MUC3A: variants seen among roughly 807,000 people sequenced by gnomAD.
MUC3A encodes mucin 3A, cell surface associated, also known as mucin-3A.
MUC3A carries 109 observed loss-of-function variants against 109.0 expected under a neutral mutation model. The observed-to-expected ratio is 1.00, with a 90% CI of 0.86 to 1.17. MUC3A has a LOEUF of 1.17. MUC3A is among the 50% of genes most tolerant of loss of function. MUC3A has a pLI of 0.00. For synonymous variants in MUC3A, 1,398 were observed against 981.4 expected, an observed-to-expected ratio of 1.42 and a Z score of -7.93; for missense variants, 3,537 against 2,469.4, an observed-to-expected ratio of 1.43 and a Z score of -9.16.
chr7:100,960,352 A>G lies in MUC3A; in HGVS notation c.8573A>G (p.Asn2858Ser). The change falls in exon 2 of 12, where the codon AAC becomes AGC. Residue 2858 changes from asparagine (N) to serine (S), a missense_variant. By Grantham distance (46) the Asn-to-Ser change is conservative (BLOSUM62 1). Transcript: ENST00000379458. ...SSTGTGTVPT[N>S]TVFTSTRLPT... ...ACTGGCACTGGGACTGTACCCACAA[A>G]CACAGTTTTCACAAGTACTCGACTG... 5 of 1,598,550 alleles carry G rather than the reference A, an allele frequency of 3.1e-6. No homozygotes were observed. The highest frequency in any genetic ancestry group is 4.2e-6 in the Non-Finnish European group (5 of 1,179,828).
In MUC3A at chr7:100,967,606, A is replaced by C; in HGVS notation, c.*444A>C. 4 of 315,652 alleles carry C rather than the reference A, an allele frequency of 1.3e-5. No individual in the cohort carries two copies. Among genetic ancestry groups the C allele is most frequent in the East Asian group, 6.5e-5 (1 of 15,436 alleles). 19.6% of individuals were successfully genotyped at this position (315,652 alleles called of 1,614,324 possible). A position where few individuals can be genotyped will look rare whatever the true frequency, so the allele number is the denominator to read the frequency against. ...TGGCCCTGGTTCTTATTTTCTCTCA[A>C]TTCCCTACTGCCTGTTTCTTACTTT... is the stretch of plus-strand genomic sequence containing the variant. On this transcript the variant is annotated 3_prime_UTR_variant, in exon 12 of 12. Coordinates refer to ENST00000379458, the MANE Select transcript of MUC3A (RefSeq NM_005960.2).
At chr7:100,964,987 G>T in intron 6 of MUC3A, 144 bp downstream of exon 6, 1 of 4,476 alleles carries the variant, frequency 2.2e-4, no homozygotes, top group Non-Finnish European at 2.6e-4. Context: ...CACACACAAC[G>T]GTGTCAAGGG....
rs71226713 is a variant in MUC3A, at chr7:100,952,020, T to TC, written c.247dup (p.His83ProfsTer2). On this transcript the variant is annotated frameshift_variant, in exon 2 of 12. Transcript: ENST00000379458. LOFTEE classifies it high-confidence loss of function. Reference sequence around the variant, plus strand: ...AAATGCACCTATGACACTCACTACCTCCCCCCATGACACACTCATCTCTGA... The same window carrying TC: ...AAATGCACCTATGACACTCACTACCTCCCCCCCATGACACACTCATCTCTGA... 5.0e-6 allele frequency: 8 copies of TC among 1,598,594 alleles called. No individual in the cohort carries two copies. Among genetic ancestry groups the TC allele is most frequent in the Non-Finnish European group, 6.8e-6 (8 of 1,179,776 alleles).
Position 100,957,967 on chromosome 7 carries a change from T to A in MUC3A, c.6188T>A (p.Ile2063Asn). 1 of 780,502 alleles carries A rather than the reference T, an allele frequency of 1.3e-6. No individual in the cohort carries two copies. The highest frequency in any genetic ancestry group is 2.3e-6 in the Non-Finnish European group (1 of 433,214). The allele number at this position is 780,502 out of a possible 1,614,324, so 48.3% of individuals were successfully genotyped here. Residue 2063 changes from isoleucine (I) to asparagine (N), a missense_variant, in exon 2 of 12, where the codon ATC becomes AAC. By Grantham distance (149) the Ile-to-Asn change is moderately radical. Coordinates refer to ENST00000379458, the MANE Select transcript of MUC3A (RefSeq NM_005960.2). ...AGTACTCCCAGCTTCACTTCATTGA[T>A]CACCATCACCGAGATCACCTCACAC... ...SHSTPSFTSL[I>N]TITEITSHST...
In MUC3A at chr7:100,957,959, T is replaced by G; in HGVS notation, c.6180T>G (p.Thr2060=). Residue 2060 remains threonine (T), a synonymous_variant, in exon 2 of 12, where the codon ACT becomes ACG. Transcript: ENST00000379458. ...CATCCCACAGTACTCCCAGCTTCACTTCATTGATCACCATCACCGAGATCA... is the reference window on the plus strand; with the variant it reads ...CATCCCACAGTACTCCCAGCTTCACGTCATTGATCACCATCACCGAGATCA... The part of the protein sequence containing the change: ...ETTSHSTPSF[T]SLITITEITS... 1.3e-6 allele frequency: 1 copy of G among 788,780 alleles called. No individual in the cohort carries two copies. Among genetic ancestry groups the G allele is most frequent in the South Asian group, 1.3e-5 (1 of 74,484 alleles). The allele number at this position is 788,780 out of a possible 1,614,324, so 48.9% of individuals were successfully genotyped here. A position where few individuals can be genotyped will look rare whatever the true frequency, so the allele number is the denominator to read the frequency against.
rs973511882 is a variant in MUC3A at position 100,953,659 on chromosome 7, C to T, written c.1880C>T (p.Thr627Ile). ...GACATGTCCACAGAATCTCTCACAA[C>T]AGCCATGACTTCTCCTCCCATCACT... The part of the protein sequence containing the change: ...TTDMSTESLT[T>I]AMTSPPITSS... Residue 627 changes from threonine (T) to isoleucine (I), a missense_variant, in exon 2 of 12, where the codon ACA becomes ATA. By Grantham distance (89) the Thr-to-Ile change is moderately conservative. Coordinates refer to ENST00000379458, the MANE Select transcript of MUC3A (RefSeq NM_005960.2). 1.8e-5 allele frequency: 8 copies of T among 435,422 alleles called. No homozygotes were observed. The highest frequency in any genetic ancestry group is 3.2e-5 in the Non-Finnish European group (8 of 247,228). 27.0% of individuals were successfully genotyped at this position (435,422 alleles called of 1,614,324 possible).
chr7:100,966,567 T>TGCGGGGG lies in MUC3A; in HGVS notation c.9785+15_9785+21dup, dbSNP rs587747775. 46,154 of 1,430,422 alleles carry TGCGGGGG rather than the reference T, an allele frequency of 0.032. No homozygotes were observed. Among genetic ancestry groups the TGCGGGGG allele is most frequent in the Non-Finnish European group, 0.035 (37,996 of 1,078,170 alleles). The allele number at this position is 1,430,422 out of a possible 1,614,324, so 88.6% of individuals were successfully genotyped here. On this transcript the variant is annotated intron_variant, in intron 9 of 11. Transcript: ENST00000379458. ...CGGCCAGCGCCGAGGCCGGTGAGCG[T>TGCGGGGG]GCGGGGGGCGGGGCCGGGGGGCGAG...
chr7:100,962,815 T>TC (rs1792380301), intron 3 of MUC3A, among the ~76,000 whole-genome samples: 26 of 80,186 alleles, frequency 3.2e-4, no homozygotes, highest in East Asian at 5.8e-4. Context: ...CTCTCTCTCT[T>TC]TCTTTCTTTC....
Position 100,960,849 on chromosome 7 carries a change from T to G in MUC3A, c.8964T>G (p.Asn2988Lys), listed in dbSNP as rs73163765. 7.5e-4 allele frequency: 1,193 copies of G among 1,598,252 alleles called. No homozygotes were observed. The African/African-American group carries it at 0.014, about 18-fold the overall frequency. The change falls in exon 3 of 12, where the codon AAT (asparagine) becomes AAG (lysine). Residue 2988 changes from asparagine to lysine, a missense_variant. Transcript: ENST00000379458. ...DRCQLQTRCQ[N>K]GGQWDGLKCQ... is the part of the protein sequence containing the mutation. ...GTCAGCTCCAGACCAGATGCCAGAA[T>G]GGGGGTCAGTGGGATGGCCTCAAAT...
rs912651569 is a variant in MUC3A at position 100,955,820 on chromosome 7, C to T, written c.4041C>T (p.Gly1347=). 9.4e-5 allele frequency: 43 copies of T among 456,334 alleles called. No homozygotes were observed. Among genetic ancestry groups the T allele is most frequent in the African/African-American group, 8.7e-4 (43 of 49,542 alleles). 28.3% of individuals were successfully genotyped at this position (456,334 alleles called of 1,614,324 possible). Residue 1347 remains glycine (G), a synonymous_variant, in exon 2 of 12, where the codon GGC becomes GGT. Transcript: ENST00000379458. ...CTTCAACCACTGTAGCGACTACAGG[C>T]ACAGGTCAGACCACCTTCCCCAGCT... ...EPPSTTVATT[G]TGQTTFPSST... is the part of the protein sequence containing the mutation.
At chr7:100,967,079 C>A (rs775145965) in intron 11 of MUC3A, 42 bp from the exon 12 acceptor site, 3 of 1,598,410 alleles carry the variant, frequency 1.9e-6, no homozygotes, top group Non-Finnish European at 1.7e-6. Context: ...TCAGCCCAAA[C>A]CAGTGGCTCC....
rs1387473067 is a variant in MUC3A at position 100,965,262 on chromosome 7, C to T, written c.9383-20C>T. The T allele has an allele frequency of 3.8e-6, 6 of 1,598,396 alleles. No homozygotes were observed. Among genetic ancestry groups the T allele is most frequent in the South Asian group, 1.1e-5 (1 of 90,840 alleles). On this transcript the variant is annotated intron_variant, in intron 6 of 11. Coordinates refer to ENST00000379458, the MANE Select transcript of MUC3A (RefSeq NM_005960.2). ...CCTTGATCTGCCCCGCCCATTCCAT[C>T]TGTGCCTGTGTTTCCGCAGCCCTGT... is the stretch of plus-strand genomic sequence containing the variant.
chr7:100,964,967 G>C, intron 6 of MUC3A, 124 bp downstream of exon 6: 1 of 1,413,400 alleles, frequency 7.1e-7, no homozygotes, highest in Non-Finnish European at 9.4e-7. Flanking sequence ...TGGGAGAAGG[G>C]GAATAAGTCC....
At position 100,957,078 on chromosome 7, in the gene MUC3A, A is replaced by T; in HGVS notation, c.5299A>T (p.Ile1767Phe). 1 of 457,204 alleles carries T rather than the reference A, an allele frequency of 2.2e-6. No homozygotes were observed. Among genetic ancestry groups the T allele is most frequent in the Non-Finnish European group, 3.8e-6 (1 of 260,360 alleles). The allele number at this position is 457,204 out of a possible 1,614,324, so 28.3% of individuals were successfully genotyped here. A position where few individuals can be genotyped will look rare whatever the true frequency, so the allele number is the denominator to read the frequency against. ...VSSTPPITSSITSTYTVTSMT... is the reference protein window; with the variant it reads ...VSSTPPITSSFTSTYTVTSMT... ...TTCTACTCCCCCCATCACTTCTTCA[A>T]TCACCTCCACATATACGGTGACTTC... Residue 1767 changes from isoleucine (I) to phenylalanine (F), a missense_variant, in exon 2 of 12, where the codon ATC becomes TTC. Coordinates refer to ENST00000379458, the MANE Select transcript of MUC3A (RefSeq NM_005960.2).
chr7:100,965,182 C>T, intron 6 of MUC3A, 100 bp from the exon 7 acceptor site: 1 of 1,529,018 alleles, frequency 6.5e-7, no homozygotes, highest in South Asian at 1.2e-5. Flanking sequence ...AGAGAGCCCT[C>T]ACTGCCCTCC....
rs750988409 is a variant in MUC3A, at chr7:100,966,961, T to C, written c.9930+10T>C. The C allele has an allele frequency of 5.6e-6, 9 of 1,598,542 alleles. No homozygotes were observed. The South Asian group carries it at 8.8e-5, about 16-fold the overall frequency. ...GGACACCACTATGAAGGTGAGGGGC[T>C]AAAGAGGGGGACCCCAAGGAACTCT... On this transcript the variant is annotated intron_variant, in intron 11 of 11. Coordinates refer to ENST00000379458, the MANE Select transcript of MUC3A (RefSeq NM_005960.2).
Position 100,958,880 on chromosome 7 carries a change from C to T in MUC3A, c.7101C>T (p.Thr2367=), listed in dbSNP as rs773139767. 27 of 1,594,128 alleles carry T rather than the reference C, an allele frequency of 1.7e-5. No homozygotes were observed. In the South Asian group the frequency reaches 2.8e-4, roughly 16 times the overall value. Residue 2367 remains threonine, a synonymous_variant, in exon 2 of 12, where the codon ACC becomes ACT. Transcript: ENST00000379458. ...CTTCTTCGATCACCACCACCGAGAC[C>T]ACCTCACACAGTACTCCCAGCTTCA... is the stretch of plus-strand genomic sequence containing the variant. ...SFTSSITTTE[T]TSHSTPSFSS... is the part of the protein sequence containing the mutation.
chr7:100,950,539 G>T (rs74194104), intron 1 of MUC3A, among the ~76,000 whole-genome samples: 2 of 151,096 alleles, frequency 1.3e-5, no homozygotes, highest in African/African-American at 2.5e-5. Flanking sequence ...CACTTCCCTG[G>T]CACCCACGAG....
Position 100,960,567 on chromosome 7 carries a change from C to A in MUC3A, c.8788C>A (p.Pro2930Thr). ...GACACCAGTGGCCACTACCCAGACT[C>A]CTACCACCCTTACATCACGCAGGAC... The part of the protein sequence containing the change: ...SETPVATTQT[P>T]TTLTSRRTTR... The change falls in exon 2 of 12, where the codon CCT (proline) becomes ACT (threonine). Residue 2930 changes from proline to threonine, a missense_variant. Transcript: ENST00000379458. 6.3e-7 allele frequency: 1 copy of A among 1,598,738 alleles called. No homozygotes were observed.
Sources: allele counts gnomAD v4.1 joint callset (sites outside exome capture counted in the v4.1 genomes callset), GRCh38; gene constraint gnomAD v4.1.1; transcripts MANE v1.5; gene names NCBI Gene and HGNC (gene_info 2026-07-23, HGNC 2026-07-21).